LMF1: variants seen among roughly 807,000 people sequenced by gnomAD.
LMF1 encodes transmembrane protein 112.
A neutral mutation model predicts 60.6 loss-of-function variants in LMF1; 68 were observed. The ratio of observed to expected loss-of-function variants is 1.12; its 90% CI spans 0.92 to 1.37. The LOEUF (loss-of-function observed/expected upper bound fraction) is 1.37, where lower values mean the gene tolerates loss of function less well. Among genes scored for constraint, LMF1 ranks in the 40% most tolerant of loss-of-function variants. The pLI, the probability that LMF1 is intolerant of heterozygous loss-of-function variation, is 0.00. For missense variants in LMF1, 948 were observed against 767.2 expected (o/e 1.24, Z -2.78); for synonymous variants, 418 against 324.7 (o/e 1.29, Z -3.09).
chr16:879,973 T>A (rs142644262), intron 5 of LMF1, among the ~76,000 whole-genome samples: 2 of 152,238 alleles, frequency 1.3e-5, no homozygotes, highest in South Asian at 2.1e-4. Flanking sequence ...ATCTTTACCA[T>A]CTAAAAGCAA....
At chr16:863,424 G>A (rs137902851) in intron 10 of LMF1, among the ~76,000 whole-genome samples, 1 of 151,098 alleles carries the variant, frequency 6.6e-6, no homozygotes, top group Admixed American at 6.5e-5. Flanking sequence ...TTTCAGGCAT[G>A]AGCCACCACA....
intron 5 of LMF1, among the ~76,000 whole-genome samples, chr16:887,698 C>T (rs2070351534): frequency 6.6e-6 from 1 of 152,220 alleles, no homozygotes; most frequent in African/African-American, 2.4e-5. Flanking sequence ...GGCCTCTAGC[C>T]TCCGAGAGCA....
At chr16:967,332 G>A (rs998140081) in intron 1 of LMF1, among the ~76,000 whole-genome samples, 12 of 152,226 alleles carry the variant, frequency 7.9e-5, no homozygotes, top group South Asian at 2.1e-4. Flanking sequence ...CCACAACGTC[G>A]ACGCACGACC....
chr16:970,551 G>A (rs1282441520), intron 1 of LMF1, among the ~76,000 whole-genome samples: 2 of 152,184 alleles, frequency 1.3e-5, no homozygotes, highest in Non-Finnish European at 1.5e-5. Context: ...GTGGAACCGG[G>A]AGCCCAGGAG....
chr16:924,010 G>A (rs1244679125), intron 3 of LMF1, among the ~76,000 whole-genome samples: 2 of 152,104 alleles, frequency 1.3e-5, no homozygotes, highest in Non-Finnish European at 2.9e-5. Context: ...ATGAACTCCA[G>A]GAAAAATGAA....
chr16:916,791 A>G (rs1042826219), intron 3 of LMF1, among the ~76,000 whole-genome samples: 16 of 152,208 alleles, frequency 1.1e-4, no homozygotes, highest in Admixed American at 7.2e-4. Context: ...CGGCCTTGGG[A>G]TGCCTCGTTG....
chr16:947,526 T>C, intron 2 of LMF1: 1 of 456,082 alleles, frequency 2.2e-6, no homozygotes, highest in Admixed American at 2.3e-5. Flanking sequence ...TCAGTACTCT[T>C]TGAAGTGGAG....
intron 1 of LMF1, among the ~76,000 whole-genome samples, chr16:978,212 C>T (rs1180511164): frequency 6.6e-6 from 1 of 151,512 alleles, no homozygotes. Context: ...ACACATCATA[C>T]ACATACACAC....
At chr16:858,593 G>C (rs370078096) in intron 10 of LMF1, among the ~76,000 whole-genome samples, 1 of 55,638 alleles carries the variant, frequency 1.8e-5, no homozygotes, top group African/African-American at 6.4e-5. Context: ...GGGTGTGAGT[G>C]GTGTCTCGGG....
intron 3 of LMF1, among the ~76,000 whole-genome samples, chr16:928,202 C>A (rs909737593): frequency 2.2e-4 from 34 of 152,150 alleles, no homozygotes; most frequent in Non-Finnish European, 1.3e-4. Flanking sequence ...GTGGATGGGC[C>A]CCCCCAGCCT....
chr16:922,980 T>G (rs12598769), intron 3 of LMF1, among the ~76,000 whole-genome samples: 12 of 112,410 alleles, frequency 1.1e-4, no homozygotes, highest in East Asian at 5.7e-4. Context: ...GAAGGTCGCC[T>G]GGGTTTTCGG....
intron 4 of LMF1, among the ~76,000 whole-genome samples, chr16:894,050 G>A (rs1351925780): frequency 2.1e-5 from 2 of 95,454 alleles, no homozygotes; most frequent in East Asian, 6.0e-4. Flanking sequence ...CTCGTCCCCT[G>A]TCCACCAGAC....
intron 1 of LMF1, among the ~76,000 whole-genome samples, chr16:958,894 A>AT (rs2072764139): frequency 6.7e-6 from 1 of 148,354 alleles, no homozygotes; most frequent in Admixed American, 6.6e-5. Context: ...CAAAAAAAAA[A>AT]CCAAAAAAAC....
At chr16:960,211 G>A (rs1445006659) in intron 1 of LMF1, among the ~76,000 whole-genome samples, 1 of 152,224 alleles carries the variant, frequency 6.6e-6, no homozygotes, top group Non-Finnish European at 1.5e-5. Flanking sequence ...CGGGGAAGGA[G>A]GGGAAACCCA....
At chr16:959,857 C>T (rs1002211208) in intron 1 of LMF1, among the ~76,000 whole-genome samples, 2 of 130,726 alleles carry the variant, frequency 1.5e-5, no homozygotes, top group Admixed American at 7.7e-5. Context: ...TGTGCCAGGA[C>T]GGGAGGATGG....
intron 1 of LMF1, among the ~76,000 whole-genome samples, chr16:968,119 G>A (rs1222063207): frequency 1.3e-5 from 2 of 152,232 alleles, no homozygotes; most frequent in African/African-American, 4.8e-5. Flanking sequence ...ACACACCTCG[G>A]TGGCAGCACA....
chr16:858,858 G>T (rs2069311232), intron 10 of LMF1, among the ~76,000 whole-genome samples: 2 of 106,958 alleles, frequency 1.9e-5, no homozygotes, highest in African/African-American at 8.9e-5. Context: ...TGGTGTCACG[G>T]GACGGGTGTG....
intron 6 of LMF1, 81 bp from the exon 7 acceptor site, chr16:871,422 G>A (rs1326410876): frequency 7.2e-7 from 1 of 1,386,770 alleles, no homozygotes; most frequent in Non-Finnish European, 9.9e-7. Flanking sequence ...TCCTGGAGCA[G>A]GGAGGGGGGA....
intron 6 of LMF1, 137 bp downstream of exon 6, chr16:879,433 G>A (rs1171638537): frequency 4.9e-6 from 5 of 1,025,758 alleles, no homozygotes; most frequent in African/African-American, 4.9e-5. Flanking sequence ...ACAAACGAAG[G>A]CTGGGGAGGA....
Sources: gnomAD v4.1 joint callset for allele counts (sites outside exome capture counted in the v4.1 genomes callset) on GRCh38, gnomAD v4.1.1 for gene constraint, MANE v1.5 for transcripts, NCBI Gene and HGNC (gene_info 2026-07-23, HGNC 2026-07-21) for gene names.